The following ZMYM2 variants were observed in gnomAD, a reference collection of about 807,000 sequenced individuals.
ZMYM2 encodes the protein zinc finger MYM-type containing 2.
Under a neutral mutation model 162.8 loss-of-function variants are expected in ZMYM2, and 56 were observed. That is an observed-to-expected ratio of 0.34 (90% CI 0.28 to 0.43). The LOEUF (loss-of-function observed/expected upper bound fraction) is 0.43, where lower values mean the gene tolerates loss of function less well. ZMYM2 is among the 20% of genes least tolerant of loss of function. ZMYM2 has a pLI of 1.00. For synonymous variants in ZMYM2, 510 were observed against 541.6 expected, an observed-to-expected ratio of 0.94 and a Z score of 0.81; for missense variants, 1,275 against 1,621.8, an observed-to-expected ratio of 0.79 and a Z score of 3.67.
At chr13:19,939,373 A>T in the ZMYM2 span, among the ~76,000 whole-genome samples, 138 of 151,944 alleles carry the variant, frequency 9.1e-4, no homozygotes, top group Admixed American at 2.8e-3. Context: ...ATCTAAATTT[A>T]AAAAAAAGTA....
At chr13:20,076,913 C>T (rs986074348) in intron 21 of ZMYM2, among the ~76,000 whole-genome samples, 3 of 149,916 alleles carry the variant, frequency 2.0e-5, no homozygotes, top group East Asian at 1.9e-4. Flanking sequence ...CTCGGCACAC[C>T]GCATCTCCGC....
the ZMYM2 span, among the ~76,000 whole-genome samples, chr13:19,872,724 C>T: frequency 1.9e-4 from 29 of 152,178 alleles, 2 homozygotes; most frequent in South Asian, 5.6e-3. Context: ...ATAGACCAGG[C>T]GCGGTTGCTC....
At chr13:19,904,408 G>A in the ZMYM2 span, among the ~76,000 whole-genome samples, 4 of 150,134 alleles carry the variant, frequency 2.7e-5, no homozygotes, top group African/African-American at 7.5e-5. Flanking sequence ...AATACAAAAC[G>A]TTAGCCGGGC....
intron 6 of ZMYM2, among the ~76,000 whole-genome samples, chr13:20,011,950 T>C (rs1269886484): frequency 6.6e-6 from 1 of 151,894 alleles, no homozygotes; most frequent in Admixed American, 6.6e-5. Context: ...GGGTTTCACC[T>C]TGATGGCCAA....
intron 21 of ZMYM2, among the ~76,000 whole-genome samples, chr13:20,075,670 CTTTTTTTTTTTTTTTTT>C (rs56664916): frequency 1.3e-5 from 1 of 75,738 alleles, no homozygotes; most frequent in African/African-American, 5.4e-5. Flanking sequence ...CTATAGACAC[CTTTTTTTTTTTTTTTTT>C]TTTTTTTTTT....
intron 24 of ZMYM2, 94 bp from the exon 25 acceptor site, chr13:20,085,728 G>A (rs1012032843): frequency 1.1e-5 from 12 of 1,123,242 alleles, no homozygotes; most frequent in African/African-American, 4.7e-5. Context: ...GTCATATAAC[G>A]TGATTAATGG....
At chr13:20,068,597 C>T (rs1477325983) in intron 21 of ZMYM2, among the ~76,000 whole-genome samples, 3 of 152,032 alleles carry the variant, frequency 2.0e-5, no homozygotes, top group African/African-American at 7.2e-5. Context: ...GTTGAAGATC[C>T]ATGTGTGTAT....
At chr13:19,922,798 C>A in the ZMYM2 span, among the ~76,000 whole-genome samples, 1 of 151,808 alleles carries the variant, frequency 6.6e-6, no homozygotes, top group Non-Finnish European at 1.5e-5. Flanking sequence ...GAGCCGAGAT[C>A]CCACCACTGC....
chr13:20,032,399 C>G (rs531151316), intron 10 of ZMYM2, among the ~76,000 whole-genome samples: 5 of 136,528 alleles, frequency 3.7e-5, no homozygotes, highest in South Asian at 5.4e-4. Flanking sequence ...GCCATTGTTT[C>G]TTTTCACTGC....
intron 7 of ZMYM2, chr13:20,024,364 C>G (rs1173149531): frequency 4.8e-6 from 1 of 206,746 alleles, no homozygotes. Context: ...ATCACAAATC[C>G]AAGGAATAGA....
chr13:19,891,324 A>G, the ZMYM2 span, among the ~76,000 whole-genome samples: 1 of 151,886 alleles, frequency 6.6e-6, no homozygotes, highest in Admixed American at 6.6e-5. Flanking sequence ...GCCTCACCAG[A>G]TATCAACCTT....
chr13:20,072,026 A>C (rs1204731604), intron 21 of ZMYM2: 1 of 177,674 alleles, frequency 5.6e-6, no homozygotes, highest in African/African-American at 2.4e-5. Flanking sequence ...TCCAACCATC[A>C]GGAACAGTAA....
chr13:19,868,003 C>T, the ZMYM2 span, among the ~76,000 whole-genome samples: 8 of 152,212 alleles, frequency 5.3e-5, no homozygotes, highest in African/African-American at 1.9e-4. Flanking sequence ...CCGTTGCTCA[C>T]CATTTGGAGC....
the ZMYM2 span, among the ~76,000 whole-genome samples, chr13:19,881,425 C>T: frequency 6.6e-6 from 1 of 151,486 alleles, no homozygotes; most frequent in Non-Finnish European, 1.5e-5. Context: ...AGTTTGAGAA[C>T]AGCCTAGCCA....
intron 24 of ZMYM2, among the ~76,000 whole-genome samples, chr13:20,085,121 C>T (rs551557093): frequency 1.1e-4 from 17 of 152,124 alleles, no homozygotes; most frequent in Non-Finnish European, 2.2e-4. Context: ...TTATTTTCCC[C>T]TTGGGGTTGC....
At chr13:19,912,698 G>T in the ZMYM2 span, among the ~76,000 whole-genome samples, 2 of 152,030 alleles carry the variant, frequency 1.3e-5, no homozygotes, top group Non-Finnish European at 2.9e-5. Flanking sequence ...TTACATTGAT[G>T]GTACCATGTT....
At chr13:20,032,534 A>C (rs568005643) in intron 10 of ZMYM2, among the ~76,000 whole-genome samples, 219 of 150,666 alleles carry the variant, frequency 1.5e-3, no homozygotes, top group Non-Finnish European at 2.8e-3. Flanking sequence ...TTGGTGAGTC[A>C]TTCAGTAACT....
the ZMYM2 span, among the ~76,000 whole-genome samples, chr13:19,872,653 C>T: frequency 2.6e-5 from 4 of 152,206 alleles, no homozygotes; most frequent in East Asian, 7.7e-4. Flanking sequence ...ATTATGTCTA[C>T]GCTTTCATTC....
At chr13:20,076,719 GTTAAT>G (rs955483281) in intron 21 of ZMYM2, among the ~76,000 whole-genome samples, 4 of 150,374 alleles carry the variant, frequency 2.7e-5, no homozygotes, top group East Asian at 3.8e-4. Context: ...AGTGTGGCTT[GTTAAT>G]TTAATTTGTA....
Sources: gnomAD v4.1 joint callset for allele counts (sites outside exome capture counted in the v4.1 genomes callset) on GRCh38, gnomAD v4.1.1 for gene constraint, MANE v1.5 for transcripts, NCBI Gene and HGNC (gene_info 2026-07-23, HGNC 2026-07-21) for gene names.